Variants in AP3B1 observed in about 807,000 individuals in gnomAD.
The protein encoded by AP3B1 is adaptor related protein complex 3 subunit beta 1.
A neutral mutation model predicts 132.5 loss-of-function variants in AP3B1; 61 were observed. The observed-to-expected ratio is 0.46, with a 90% CI of 0.37 to 0.57. AP3B1 has a LOEUF of 0.57. AP3B1 is among the 20% of genes least tolerant of loss of function. The probability of loss-of-function intolerance (pLI) is 0.00; values close to 1 mark genes in which losing one functional copy is unlikely to be tolerated. For synonymous variants in AP3B1, 388 were observed against 438.3 expected (o/e 0.89, Z 1.43); for missense variants, 1,120 against 1,289.4 (o/e 0.87, Z 2.01).
intron 22 of AP3B1, among the ~76,000 whole-genome samples, chr5:78,054,073 G>C (rs556470180): frequency 1.2e-4 from 19 of 152,308 alleles, no homozygotes; most frequent in African/African-American, 4.6e-4. Flanking sequence ...CTATCTTTCA[G>C]GGTTGTTTTA....
At chr5:78,104,887 T>G (rs1207265207) in intron 20 of AP3B1, among the ~76,000 whole-genome samples, 3 of 152,132 alleles carry the variant, frequency 2.0e-5, no homozygotes, top group Non-Finnish European at 4.4e-5. Context: ...AAATATAACC[T>G]GAGATAAAAA....
At chr5:78,022,327 A>T (rs1747140061) in intron 24 of AP3B1, among the ~76,000 whole-genome samples, 1 of 152,172 alleles carries the variant, frequency 6.6e-6, no homozygotes, top group South Asian at 2.1e-4. Context: ...GCACTACCTT[A>T]GGTATGTGGA....
At chr5:78,050,587 TA>T (rs2091619065) in intron 22 of AP3B1, among the ~76,000 whole-genome samples, 1 of 152,200 alleles carries the variant, frequency 6.6e-6, no homozygotes, top group Non-Finnish European at 1.5e-5. Context: ...TTGAATTTTC[TA>T]TTACATAAAA....
chr5:78,084,958 C>T (rs1229728758), intron 22 of AP3B1, among the ~76,000 whole-genome samples: 3 of 152,042 alleles, frequency 2.0e-5, no homozygotes, highest in Admixed American at 1.3e-4. Context: ...AATAATTGTA[C>T]AAAATTCCTT....
At chr5:78,081,533 G>T (rs576752466) in intron 22 of AP3B1, among the ~76,000 whole-genome samples, 1 of 151,812 alleles carries the variant, frequency 6.6e-6, no homozygotes, top group Non-Finnish European at 1.5e-5. Flanking sequence ...TCCTGACCTC[G>T]TGATCCGCCC....
chr5:78,071,081 T>C (rs776316069), intron 22 of AP3B1, among the ~76,000 whole-genome samples: 3 of 152,168 alleles, frequency 2.0e-5, no homozygotes, highest in Non-Finnish European at 4.4e-5. Context: ...GGAATACAAA[T>C]AATTCTATTA....
chr5:78,275,283 C>T (rs1235232928), intron 1 of AP3B1, among the ~76,000 whole-genome samples: 1 of 152,158 alleles, frequency 6.6e-6, no homozygotes, highest in African/African-American at 2.4e-5. Flanking sequence ...TTCTTTATTT[C>T]ACTAAAGGTG....
In AP3B1 at chr5:78,250,779, TA is replaced by T. The variant is rs1199108541; in HGVS notation, c.205-9844del. On this transcript the variant is annotated intron_variant, in intron 2 of 26. Coordinates refer to ENST00000255194, the MANE Select transcript of AP3B1 (RefSeq NM_003664.5). ...GATTTGAGGGGATGTGGCATTTTTT[TA>T]AAAAAGAATGACTTTGGAATAGCAA... Among the ~76,000 whole-genome samples, 9 of 152,008 alleles carry T rather than the reference TA, an allele frequency of 5.9e-5. No individual in the cohort carries two copies. In the East Asian group the frequency reaches 1.7e-3, roughly 29 times the overall value.
chr5:78,227,702 C>CT (rs1266899272), intron 4 of AP3B1, among the ~76,000 whole-genome samples, 170 bp from the exon 5 acceptor site: 3 of 152,048 alleles, frequency 2.0e-5, no homozygotes, highest in Non-Finnish European at 2.9e-5. Flanking sequence ...AAAAGACAGA[C>CT]ATAAATGTTT....
chr5:78,245,211 C>A (rs1329109430), intron 2 of AP3B1, among the ~76,000 whole-genome samples: 1 of 152,180 alleles, frequency 6.6e-6, no homozygotes, highest in Non-Finnish European at 1.5e-5. Flanking sequence ...ATCTGAGAAG[C>A]AGACGTTCAG....
At chr5:78,236,604 C>T (rs973118562) in intron 3 of AP3B1, among the ~76,000 whole-genome samples, 1 of 152,138 alleles carries the variant, frequency 6.6e-6, no homozygotes, top group Non-Finnish European at 1.5e-5. Context: ...ATATAAAATA[C>T]AAGTAATGAC....
intron 7 of AP3B1, among the ~76,000 whole-genome samples, chr5:78,209,076 A>G (rs571708561): frequency 6.6e-6 from 1 of 152,130 alleles, no homozygotes; most frequent in South Asian, 2.1e-4. Context: ...TCTATTACCT[A>G]GAAATGGAGA....
chr5:78,018,671 A>AACACACACAC lies in AP3B1; in HGVS notation c.2992+2011_2992+2020dup, dbSNP rs3050070. The stretch of plus-strand genomic sequence containing the variant: ...TAGAAAAATCGGTTAAAGCTGGTGT[A>AACACACACAC]ACACACACACACACACACACACACA... On this transcript the variant is annotated intron_variant, in intron 25 of 26. Transcript: ENST00000255194. Among the ~76,000 whole-genome samples, 189 of 146,676 alleles carry AACACACACAC rather than the reference A, an allele frequency of 1.3e-3. 1 individual carries two copies. The highest frequency in any genetic ancestry group is 4.6e-3 in the African/African-American group (182 of 39,176).
chr5:78,205,907 T>C (rs999720522), intron 7 of AP3B1, among the ~76,000 whole-genome samples: 2 of 152,222 alleles, frequency 1.3e-5, no homozygotes, highest in African/African-American at 4.8e-5. Flanking sequence ...GAATGGTTTT[T>C]CTATGTACTT....
At chr5:78,206,237 T>C (rs76200527) in intron 7 of AP3B1, among the ~76,000 whole-genome samples, 217 of 152,284 alleles carry the variant, frequency 1.4e-3, no homozygotes, top group African/African-American at 4.8e-3. Context: ...CTACCAGACA[T>C]CTATTTTAAT....
At chr5:78,219,395 C>A (rs548314378) in intron 6 of AP3B1, among the ~76,000 whole-genome samples, 14 of 151,882 alleles carry the variant, frequency 9.2e-5, no homozygotes, top group African/African-American at 2.4e-4. Flanking sequence ...TAAATTCATA[C>A]GTGAACATTA....
At chr5:78,141,588 G>T (rs183469607) in intron 14 of AP3B1, among the ~76,000 whole-genome samples, 1 of 152,118 alleles carries the variant, frequency 6.6e-6, no homozygotes, top group Admixed American at 6.5e-5. Context: ...TATCAGAGAC[G>T]AACAAATTCT....
intron 1 of AP3B1, 102 bp from the exon 2 acceptor site, chr5:78,267,697 T>C (rs567957939): frequency 2.6e-5 from 19 of 722,314 alleles, no homozygotes; most frequent in African/African-American, 2.2e-4. Context: ...TCATGGGCAA[T>C]GTTAAATAAC....
chr5:78,240,455 A>C (rs1747077760), intron 3 of AP3B1, among the ~76,000 whole-genome samples: 1 of 152,162 alleles, frequency 6.6e-6, no homozygotes, highest in Admixed American at 6.5e-5. Context: ...GAAACTTGGG[A>C]AATATTCTTG....
Sources: allele counts gnomAD v4.1 joint callset (sites outside exome capture counted in the v4.1 genomes callset), GRCh38; gene constraint gnomAD v4.1.1; transcripts MANE v1.5; gene names NCBI Gene and HGNC (gene_info 2026-07-23, HGNC 2026-07-21).